CTNNBIP1: variants seen among roughly 807,000 people sequenced by gnomAD.
The protein encoded by CTNNBIP1 is beta-catenin-interacting protein 1.
Under a neutral mutation model 11.8 loss-of-function variants are expected in CTNNBIP1, and 7 were observed. That is an observed-to-expected ratio of 0.60 (90% CI 0.34 to 1.12). The LOEUF (loss-of-function observed/expected upper bound fraction) is 1.12, where lower values mean the gene tolerates loss of function less well. CTNNBIP1 is among the 50% of genes most tolerant of loss of function. The pLI is 0.03. For missense variants in CTNNBIP1, 101 were observed against 113.4 expected (o/e 0.89, Z 0.50); for synonymous variants, 58 against 43.9 (o/e 1.32, Z -1.26).
rs991752286 is a variant in CTNNBIP1 at position 9,850,000 on chromosome 1, C to T, written c.*718G>A. On this transcript the variant is annotated 3_prime_UTR_variant, in exon 6 of 6. Transcript: ENST00000377263. Reference sequence around the variant, plus strand: ...GTACTCTCCAGGTGGACCCTCAGGCCCAGAGCCGGCAGCAGAGGGGGGTGA... The same window carrying T: ...GTACTCTCCAGGTGGACCCTCAGGCTCAGAGCCGGCAGCAGAGGGGGGTGA... 3 of 152,510 alleles carry T rather than the reference C, an allele frequency of 2.0e-5. No homozygotes were observed. Among genetic ancestry groups the T allele is most frequent in the Non-Finnish European group, 4.4e-5 (3 of 68,078 alleles). The allele number at this position is 152,510 out of a possible 1,614,324, so 9.4% of individuals were successfully genotyped here.
intron 1 of CTNNBIP1, among the ~76,000 whole-genome samples, chr1:9,903,006 C>A (rs1015205371): frequency 6.6e-6 from 1 of 152,168 alleles, no homozygotes; most frequent in African/African-American, 2.4e-5. Flanking sequence ...ACCTCGTGAT[C>A]CGCCTGCCTT....
At chr1:9,870,759 G>A (rs1638843958) in intron 5 of CTNNBIP1, among the ~76,000 whole-genome samples, 1 of 152,182 alleles carries the variant, frequency 6.6e-6, no homozygotes. Flanking sequence ...CCACAATGTG[G>A]TCTGTGCTCA....
At chr1:9,909,171 C>T (rs1639680265) in intron 1 of CTNNBIP1, among the ~76,000 whole-genome samples, 1 of 152,220 alleles carries the variant, frequency 6.6e-6, no homozygotes, top group South Asian at 2.1e-4. Flanking sequence ...GACTTGCCTC[C>T]AGGTCCCTTA....
intron 1 of CTNNBIP1, among the ~76,000 whole-genome samples, chr1:9,897,776 T>C (rs538459840): frequency 6.6e-6 from 1 of 152,096 alleles, no homozygotes; most frequent in East Asian, 1.9e-4. Flanking sequence ...ATCGTGCCAC[T>C]GTATTCCAGC....
Position 9,848,771 on chromosome 1 carries a change from G to C in CTNNBIP1, c.*1947C>G, listed in dbSNP as rs1015672710. On this transcript the variant is annotated 3_prime_UTR_variant, in exon 6 of 6. Coordinates refer to ENST00000377263, the MANE Select transcript of CTNNBIP1 (RefSeq NM_020248.3). The surrounding 1 kb of genome is among the most constrained non-coding windows in gnomAD (Gnocchi z 4.3). ...GTAGCTGTGTTCCCCACAGCTGACT[G>C]TCAGCTAACCAGGGCTAGGGGTGAG... 6.6e-6 allele frequency: 1 copy of C among 152,280 alleles called. No individual in the cohort carries two copies. The highest frequency in any genetic ancestry group is 1.5e-5 in the Non-Finnish European group (1 of 68,086). The allele number at this position is 152,280 out of a possible 1,614,324, so 9.4% of individuals were successfully genotyped here. A position where few individuals can be genotyped will look rare whatever the true frequency, so the allele number is the denominator to read the frequency against.
chr1:9,880,788 T>C (rs559913993), intron 2 of CTNNBIP1, among the ~76,000 whole-genome samples: 24 of 152,316 alleles, frequency 1.6e-4, no homozygotes, highest in Admixed American at 3.9e-4. Flanking sequence ...CTCCAATAAC[T>C]AGATTCAGTT....
intron 1 of CTNNBIP1, among the ~76,000 whole-genome samples, chr1:9,897,057 G>A (rs896939296): frequency 2.0e-5 from 3 of 151,652 alleles, no homozygotes; most frequent in Admixed American, 1.3e-4. Context: ...CAAGAGAATC[G>A]CTTGAACACG....
intron 5 of CTNNBIP1, among the ~76,000 whole-genome samples, chr1:9,857,327 A>C (rs1638527927): frequency 6.6e-6 from 1 of 150,708 alleles, no homozygotes; most frequent in Admixed American, 6.6e-5. Flanking sequence ...AAAAATACAA[A>C]AAATTAGCCG....
intron 5 of CTNNBIP1, among the ~76,000 whole-genome samples, chr1:9,859,577 C>T (rs1044504749): frequency 6.6e-6 from 1 of 152,254 alleles, no homozygotes; most frequent in Non-Finnish European, 1.5e-5. Context: ...ATTTGAGACT[C>T]TTAAGCTGAA....
intron 5 of CTNNBIP1, among the ~76,000 whole-genome samples, chr1:9,869,934 C>A (rs1252086076): frequency 6.6e-6 from 1 of 152,240 alleles, no homozygotes; most frequent in African/African-American, 2.4e-5. Context: ...ATAGAACAGG[C>A]TGCCGCATGA....
intron 5 of CTNNBIP1, among the ~76,000 whole-genome samples, chr1:9,864,489 C>T (rs1057309435): frequency 9.9e-5 from 15 of 152,186 alleles, no homozygotes; most frequent in Non-Finnish European, 2.2e-4. Context: ...CCACCACGCC[C>T]GGCTAATTTT....
At position 9,898,321 on chromosome 1, in the gene CTNNBIP1, C is replaced by T. The variant is rs149993427; in HGVS notation, c.-144+11774G>A. On this transcript the variant is annotated intron_variant, in intron 1 of 5. Coordinates refer to ENST00000377263, the MANE Select transcript of CTNNBIP1 (RefSeq NM_020248.3). The stretch of plus-strand genomic sequence containing the variant: ...TGGGCGCATCACGAGGTCAGGAGAT[C>T]GAGACCATCCTGGCCAACGTGGTGA... 9.2e-5 allele frequency among the ~76,000 whole-genome samples: 14 copies of T among 152,030 alleles called. No homozygotes were observed. In the East Asian group the frequency reaches 1.7e-3, roughly 19 times the overall value.
In CTNNBIP1 at chr1:9,892,074, G is replaced by A. The variant is rs375568054; in HGVS notation, c.-143-8336C>T. Reference sequence around the variant, plus strand: ...GCCTACCTCAGCCTCCCAAAGTGCTGGCATTATAGACATGAGCCACCGAGC... The same window carrying A: ...GCCTACCTCAGCCTCCCAAAGTGCTAGCATTATAGACATGAGCCACCGAGC... On this transcript the variant is annotated intron_variant, in intron 1 of 5. Transcript: ENST00000377263. Among the ~76,000 whole-genome samples, 109 of 152,084 alleles carry A rather than the reference G, an allele frequency of 7.2e-4. 1 individual carries two copies. The highest frequency in any genetic ancestry group is 2.4e-3 in the African/African-American group (99 of 41,494).
chr1:9,882,459 G>A (rs1354269797), intron 2 of CTNNBIP1, among the ~76,000 whole-genome samples: 1 of 152,308 alleles, frequency 6.6e-6, no homozygotes, highest in African/African-American at 2.4e-5. Flanking sequence ...TGGAGGAGAA[G>A]GAGGAGTTGG....
chr1:9,908,379 T>C (rs934082444), intron 1 of CTNNBIP1, among the ~76,000 whole-genome samples: 3 of 144,346 alleles, frequency 2.1e-5, no homozygotes, highest in African/African-American at 7.7e-5. Flanking sequence ...TCTTTTTTTT[T>C]TTTTTTTTTT....
chr1:9,890,404 G>C (rs1167583784), intron 1 of CTNNBIP1, among the ~76,000 whole-genome samples: 1 of 151,938 alleles, frequency 6.6e-6, no homozygotes, highest in Non-Finnish European at 1.5e-5. Flanking sequence ...GAAAAGAAAG[G>C]CATCTTTCGG....
intron 1 of CTNNBIP1, among the ~76,000 whole-genome samples, chr1:9,900,427 G>C (rs574635232): frequency 6.6e-6 from 1 of 152,294 alleles, no homozygotes; most frequent in South Asian, 2.1e-4. Context: ...GAGAATGAAA[G>C]AACACCCTTC....
rs58165059 is a variant in CTNNBIP1 at position 9,860,428 on chromosome 1, TAAA to T, written c.188-9655_188-9653del. ...CAACATGGTGAAACCCCGTCTCTAC[TAAA>T]AAAAAAAAAAAAAAAAAAAAAAACA... On this transcript the variant is annotated intron_variant, in intron 5 of 5. Transcript: ENST00000377263. 8.3e-3 allele frequency among the ~76,000 whole-genome samples: 376 copies of T among 45,542 alleles called. 7 individuals are homozygous for T. The highest frequency in any genetic ancestry group is 0.062 in the East Asian group (107 of 1,726). 29.9% of individuals were successfully genotyped at this position (45,542 alleles called of 152,430 possible).
chr1:9,865,529 G>A (rs1638725710), intron 5 of CTNNBIP1, among the ~76,000 whole-genome samples: 1 of 151,906 alleles, frequency 6.6e-6, no homozygotes, highest in Non-Finnish European at 1.5e-5. Flanking sequence ...GCATGAACCC[G>A]GGAGGTGGAG....
Sources: allele counts gnomAD v4.1 joint callset (sites outside exome capture counted in the v4.1 genomes callset), GRCh38; gene constraint gnomAD v4.1.1; non-coding constraint Gnocchi (gnomAD v3.1); transcripts MANE v1.5; gene names NCBI Gene and HGNC (gene_info 2026-07-23, HGNC 2026-07-21).